The following SNHG17 variants were observed in gnomAD, a reference collection of about 807,000 sequenced individuals.
SNHG17 encodes small nucleolar RNA host gene 17.
intron 6 of SNHG17, chr20:38,421,373 C>A (rs549792235): frequency 6.6e-6 from 1 of 152,164 alleles, no homozygotes; most frequent in Non-Finnish European, 1.5e-5. Flanking sequence ...TCCATTTGTT[C>A]GACATTACTG....
intron 3 of SNHG17, chr20:38,428,845 AAAATCCTCCCCATACAAGGG>A (rs1056506658): frequency 3.6e-4 from 55 of 152,340 alleles, no homozygotes; most frequent in African/African-American, 1.1e-3. Context: ...AGCTGGAGGG[AAAATCCTCCCCATACAAGGG>A]AAATCCTCCC....
intron 3 of SNHG17, among the ~76,000 whole-genome samples, chr20:38,430,427 C>T (rs788343): frequency 0.22 from 33,027 of 151,844 alleles, 4,267 homozygotes; most frequent in African/African-American, 0.37. Context: ...GTCAGGAGTT[C>T]GCGATCAGCC....
chr20:38,432,692 A>C (rs924636260), intron 2 of SNHG17, among the ~76,000 whole-genome samples: 5 of 152,096 alleles, frequency 3.3e-5, no homozygotes, highest in Non-Finnish European at 5.9e-5. Context: ...TCACCTTACA[A>C]CTGAAGTCTT....
intron 6 of SNHG17, chr20:38,421,134 C>T (rs2084150615): frequency 6.6e-6 from 1 of 152,278 alleles, no homozygotes; most frequent in Admixed American, 6.5e-5. Context: ...TATTTAGTCT[C>T]CAGGGCCATC....
At chr20:38,433,590 C>T (rs1410063757) in intron 2 of SNHG17, among the ~76,000 whole-genome samples, 2 of 152,134 alleles carry the variant, frequency 1.3e-5, no homozygotes, top group Non-Finnish European at 2.9e-5. Context: ...GAGATCCTGT[C>T]TCTAAAAAAA....
At chr20:38,422,891 G>A (rs2084182508) in intron 5 of SNHG17, among the ~76,000 whole-genome samples, 1 of 152,170 alleles carries the variant, frequency 6.6e-6, no homozygotes, top group Admixed American at 6.5e-5. Flanking sequence ...AGGAGTTCAA[G>A]ACCAGACTGA....
At chr20:38,426,032 G>A (rs2122697604) in exon 5 of SNHG17, 1 of 147,814 alleles carries the variant, frequency 6.8e-6, no homozygotes, top group African/African-American at 2.5e-5. Flanking sequence ...CTCCAGCCTG[G>A]GTGACAGAAT....
At chr20:38,427,755 C>T (rs2084273744) in intron 3 of SNHG17, 1 of 164,202 alleles carries the variant, frequency 6.1e-6, no homozygotes, top group Non-Finnish European at 1.3e-5. Flanking sequence ...GAACTTGGCT[C>T]TCGGGATGTT....
intron 3 of SNHG17, chr20:38,429,387 A>C (rs890926386): frequency 5.2e-6 from 1 of 192,148 alleles, no homozygotes; most frequent in Non-Finnish European, 1.1e-5. Flanking sequence ...GAGCCAGGAA[A>C]CAAGTCAGGC....
At chr20:38,423,689 G>GTGA (rs1289684907) in intron 5 of SNHG17, among the ~76,000 whole-genome samples, 1 of 151,990 alleles carries the variant, frequency 6.6e-6, no homozygotes, top group African/African-American at 2.4e-5. Flanking sequence ...AGTCTAGAGG[G>GTGA]CTCACGCACA....
At chr20:38,433,059 A>G (rs2084363643) in intron 2 of SNHG17, among the ~76,000 whole-genome samples, 1 of 151,610 alleles carries the variant, frequency 6.6e-6, no homozygotes, top group African/African-American at 2.4e-5. Flanking sequence ...TGCAACCTCC[A>G]CCTCCCAGGT....
chr20:38,432,152 T>C lies in SNHG17; in HGVS notation n.309-1040A>G. ...CCCGTTCTGGAAAGGACAAGGAGAG[T>C]ACTGGCACAGAAGCCACCAGGTGGT... On this transcript the variant is annotated intron_variant and non_coding_transcript_variant, in intron 2 of 8. Coordinates refer to ENST00000654008, the Ensembl canonical transcript of SNHG17. 4 of 985,356 alleles carry C rather than the reference T, an allele frequency of 4.1e-6. No individual in the cohort carries two copies. The South Asian group carries it at 1.9e-4, about 46-fold the overall frequency. The allele number at this position is 985,356 out of a possible 1,614,324, so 61.0% of individuals were successfully genotyped here.
chr20:38,429,835 AG>A (rs1452772267), intron 3 of SNHG17: 3 of 513,268 alleles, frequency 5.8e-6, no homozygotes, highest in Non-Finnish European at 1.2e-5. Flanking sequence ...CCCAGAAAGG[AG>A]GCCAATGCTG....
chr20:38,428,184 T>TG, intron 3 of SNHG17: 1 of 152,248 alleles, frequency 6.6e-6, no homozygotes, highest in East Asian at 1.9e-4. Flanking sequence ...TATGACATGC[T>TG]GCTAATGCAC....
chr20:38,434,769 A>C (rs2084403646), intron 1 of SNHG17: 2 of 887,376 alleles, frequency 2.3e-6, no homozygotes, highest in Non-Finnish European at 2.7e-6. Context: ...TCTAACACCT[A>C]CTTTTAAAAG....
intron 2 of SNHG17, chr20:38,433,831 G>A (rs1205615878): frequency 1.9e-6 from 1 of 519,152 alleles, no homozygotes; most frequent in Admixed American, 1.9e-5. Context: ...GACACCAAGT[G>A]CCAGGAGGCA....
At chr20:38,434,029 G>A (rs368439390) in intron 2 of SNHG17, 32 of 516,552 alleles carry the variant, frequency 6.2e-5, no homozygotes, top group East Asian at 3.8e-4. Context: ...CCACGTCAGC[G>A]TGTTAGCTGC....
At chr20:38,431,998 T>A (rs563503013) in intron 2 of SNHG17, 1 of 985,292 alleles carries the variant, frequency 1.0e-6, no homozygotes, top group African/African-American at 1.7e-5. Flanking sequence ...ACAGACCTCA[T>A]AGAACACCAT....
At chr20:38,434,912 C>CTGT in intron 1 of SNHG17, 1 of 1,222,832 alleles carries the variant, frequency 8.2e-7, no homozygotes, top group Non-Finnish European at 1.0e-6. Flanking sequence ...TCGCCGAGCC[C>CTGT]TGTTTCCCGC....
Sources: gnomAD v4.1 joint callset for allele counts (sites outside exome capture counted in the v4.1 genomes callset) on GRCh38, gnomAD v4.1.1 for gene constraint, MANE v1.5 for transcripts, NCBI Gene and HGNC (gene_info 2026-07-23, HGNC 2026-07-21) for gene names.